The following WWOX variants were observed in gnomAD, a reference collection of about 807,000 sequenced individuals.
WWOX encodes WW domain containing oxidoreductase, also known as WW domain-containing oxidoreductase.
WWOX carries 69 observed loss-of-function variants against 46.2 expected under a neutral mutation model. The observed-to-expected ratio is 1.49, with a 90% CI of 1.23 to 1.82. WWOX has a LOEUF of 1.82. Ranked by LOEUF, WWOX falls within the 40% of genes most tolerant of loss-of-function variation. The probability of loss-of-function intolerance (pLI) is 0.00; values close to 1 mark genes in which losing one functional copy is unlikely to be tolerated. For synonymous variants in WWOX, 359 were observed against 202.6 expected (o/e 1.77, Z -6.56); for missense variants, 919 against 542.6 (o/e 1.69, Z -6.89).
chr16:78,962,441 C>T (rs1025959162), intron 8 of WWOX, among the ~76,000 whole-genome samples: 2 of 150,336 alleles, frequency 1.3e-5, no homozygotes, highest in African/African-American at 4.9e-5. Context: ...TCCTTGTAGG[C>T]CAAGCTTACT....
At chr16:79,080,146 A>T (rs886477034) in intron 8 of WWOX, among the ~76,000 whole-genome samples, 33 of 152,172 alleles carry the variant, frequency 2.2e-4, no homozygotes, top group African/African-American at 7.7e-4. Flanking sequence ...GGAGCCAAGG[A>T]GGAAGAGTGG....
At chr16:79,169,279 G>A (rs542780287) in intron 8 of WWOX, among the ~76,000 whole-genome samples, 4 of 152,180 alleles carry the variant, frequency 2.6e-5, no homozygotes, top group African/African-American at 9.6e-5. Context: ...AAATGTCTGA[G>A]ACTTGTGATG....
chr16:78,501,433 G>A (rs546303517), intron 8 of WWOX, among the ~76,000 whole-genome samples: 1 of 151,998 alleles, frequency 6.6e-6, no homozygotes, highest in East Asian at 1.9e-4. Context: ...CTGCAAAATA[G>A]CTCACCCAGC....
intron 7 of WWOX, among the ~76,000 whole-genome samples, chr16:78,430,594 C>T (rs527528415): frequency 1.2e-4 from 19 of 152,116 alleles, no homozygotes; most frequent in African/African-American, 3.4e-4. Context: ...AGAAGAAGGC[C>T]GTCATATATT....
intron 8 of WWOX, among the ~76,000 whole-genome samples, chr16:78,638,408 C>G (rs904943496): frequency 2.0e-5 from 3 of 152,180 alleles, no homozygotes; most frequent in Non-Finnish European, 4.4e-5. Flanking sequence ...TTTCCAACCG[C>G]TACCACCTTC....
chr16:78,879,573 G>T (rs1298316660), intron 8 of WWOX, among the ~76,000 whole-genome samples: 1 of 152,026 alleles, frequency 6.6e-6, no homozygotes, highest in Non-Finnish European at 1.5e-5. Flanking sequence ...AGGCAACATT[G>T]TTTGTGCTTA....
At chr16:78,624,492 T>A (rs999123628) in intron 8 of WWOX, among the ~76,000 whole-genome samples, 1 of 152,208 alleles carries the variant, frequency 6.6e-6, no homozygotes, top group Non-Finnish European at 1.5e-5. Context: ...ACCATTCAAA[T>A]CTTTCCCTCA....
chr16:78,761,053 C>G (rs928277801), intron 8 of WWOX, among the ~76,000 whole-genome samples: 5 of 152,280 alleles, frequency 3.3e-5, no homozygotes, highest in African/African-American at 9.6e-5. Context: ...CAGGCCCCTC[C>G]TACAACACGT....
chr16:78,880,890 G>C (rs369592882), intron 8 of WWOX, among the ~76,000 whole-genome samples: 112 of 151,662 alleles, frequency 7.4e-4, no homozygotes, highest in South Asian at 4.6e-3. Flanking sequence ...ATCAGATCAG[G>C]TCAGACGTAG....
chr16:78,720,565 G>C (rs1200378139), intron 8 of WWOX, among the ~76,000 whole-genome samples: 5 of 151,510 alleles, frequency 3.3e-5, no homozygotes, highest in African/African-American at 9.7e-5. Context: ...GTCTGTGAGA[G>C]ACAGAGCCAG....
At chr16:78,499,325 G>A (rs959683053) in intron 8 of WWOX, among the ~76,000 whole-genome samples, 3 of 152,186 alleles carry the variant, frequency 2.0e-5, no homozygotes, top group African/African-American at 7.2e-5. Context: ...CACATGCTCT[G>A]TAGTCTTTCT....
chr16:79,136,942 C>G (rs968257558), intron 8 of WWOX, among the ~76,000 whole-genome samples: 2 of 152,170 alleles, frequency 1.3e-5, no homozygotes, highest in South Asian at 4.1e-4. Context: ...GTGATTAATC[C>G]TCCCCCTATC....
intron 8 of WWOX, among the ~76,000 whole-genome samples, chr16:78,586,770 T>A (rs1211643211): frequency 1.3e-5 from 2 of 152,168 alleles, no homozygotes; most frequent in Non-Finnish European, 2.9e-5. Context: ...GAATTTTGAT[T>A]CAGGAAGGTT....
At chr16:78,283,495 T>C (rs914220349) in intron 5 of WWOX, among the ~76,000 whole-genome samples, 1 of 152,182 alleles carries the variant, frequency 6.6e-6, no homozygotes, top group South Asian at 2.1e-4. Flanking sequence ...TCTTCCTTTT[T>C]TAATTGAGTA....
intron 7 of WWOX, among the ~76,000 whole-genome samples, chr16:78,429,905 C>T (rs902921703): frequency 2.0e-5 from 3 of 152,122 alleles, no homozygotes; most frequent in Admixed American, 6.5e-5. Flanking sequence ...GATGAATCAC[C>T]TTGAATGGAC....
intron 8 of WWOX, among the ~76,000 whole-genome samples, chr16:78,775,341 C>T (rs571779789): frequency 2.0e-5 from 3 of 152,268 alleles, no homozygotes; most frequent in South Asian, 4.1e-4. Flanking sequence ...GTCATCCCCT[C>T]CCCACCCCCA....
chr16:78,655,680 C>A (rs2047064747), intron 8 of WWOX, among the ~76,000 whole-genome samples: 1 of 151,574 alleles, frequency 6.6e-6, no homozygotes, highest in African/African-American at 2.4e-5. Context: ...ATGCAAGGGG[C>A]TGGGAGGGAG....
intron 8 of WWOX, among the ~76,000 whole-genome samples, chr16:78,753,825 A>AATATATATATATAT (rs1159243014): frequency 7.0e-4 from 15 of 21,348 alleles, no homozygotes; most frequent in Admixed American, 1.5e-3. Context: ...AAAAAAAAAA[A>AATATATATATATAT]ATATATATAT....
At chr16:78,196,396 A>G (rs1450219066) in intron 5 of WWOX, among the ~76,000 whole-genome samples, 1 of 152,232 alleles carries the variant, frequency 6.6e-6, no homozygotes, top group Non-Finnish European at 1.5e-5. Context: ...GAGAGTAATT[A>G]CTGCTGTACT....
Sources: allele counts gnomAD v4.1 joint callset (sites outside exome capture counted in the v4.1 genomes callset), GRCh38; gene constraint gnomAD v4.1.1; transcripts MANE v1.5; gene names NCBI Gene and HGNC (gene_info 2026-07-23, HGNC 2026-07-21).